Variants in PXK observed in about 807,000 individuals in gnomAD.
The protein encoded by PXK is PX domain containing serine/threonine kinase like.
PXK carries 35 observed loss-of-function variants against 84.7 expected under a neutral mutation model. That is an observed-to-expected ratio of 0.41 (90% CI 0.32 to 0.55). The LOEUF (loss-of-function observed/expected upper bound fraction) is 0.55. Among genes scored for constraint, PXK ranks in the 20% least tolerant of loss-of-function variants. The probability of loss-of-function intolerance (pLI) is 0.21; values close to 1 mark genes in which losing one functional copy is unlikely to be tolerated. For synonymous variants in PXK, 253 were observed against 260.8 expected (o/e 0.97, Z 0.29); for missense variants, 634 against 699.7 (o/e 0.91, Z 1.06).
chr3:58,387,813 G>C (rs988359056), intron 4 of PXK, among the ~76,000 whole-genome samples: 1 of 152,110 alleles, frequency 6.6e-6, no homozygotes, highest in African/African-American at 2.4e-5. Context: ...GAAGGAGAGA[G>C]GGAGAGAGTC....
chr3:58,421,677 C>A lies in PXK; in HGVS notation c.1529-3075C>A. On this transcript the variant is annotated intron_variant, in intron 17 of 17. Transcript: ENST00000356151. The surrounding 1 kb of genome is among the most constrained non-coding windows in gnomAD (Gnocchi z 5.5). ...GGCATTCCTCCCTAGATCTGACCTACGCTCTCCCTGCAGCATTCTCTGCCC... is the reference window on the plus strand; with the variant it reads ...GGCATTCCTCCCTAGATCTGACCTAAGCTCTCCCTGCAGCATTCTCTGCCC... 2 of 988,282 alleles carry A rather than the reference C, an allele frequency of 2.0e-6. 1 individual carries two copies. The highest frequency in any genetic ancestry group is 5.6e-4 in the Middle Eastern group (2 of 3,548). 61.2% of individuals were successfully genotyped at this position (988,282 alleles called of 1,614,324 possible). A position where few individuals can be genotyped will look rare whatever the true frequency, so the allele number is the denominator to read the frequency against.
chr3:58,422,716 G>T (rs549188817), intron 17 of PXK: 7 of 985,330 alleles, frequency 7.1e-6, no homozygotes, highest in Non-Finnish European at 8.4e-6. Flanking sequence ...GTTTTGTTCT[G>T]TGCCAAGATG....
At position 58,423,252 on chromosome 3, in the gene PXK, T is replaced by A. The variant is rs115788351; in HGVS notation, c.1529-1500T>A. 1.1e-3 allele frequency: 1,042 copies of A among 975,438 alleles called. 5 individuals carry two copies. In the African/African-American group the frequency reaches 0.017, roughly 16 times the overall value. 60.4% of individuals were successfully genotyped at this position (975,438 alleles called of 1,614,324 possible). On this transcript the variant is annotated intron_variant, in intron 17 of 17. Coordinates refer to ENST00000356151, the MANE Select transcript of PXK (RefSeq NM_017771.5). ...TCAGGTTTAAAGTCCTTTTTATCTC[T>A]GTAACCTGGTGACATAAAGCCAGGA...
At chr3:58,351,886 C>T (rs986429913) in intron 1 of PXK, among the ~76,000 whole-genome samples, 2 of 152,200 alleles carry the variant, frequency 1.3e-5, no homozygotes, top group African/African-American at 4.8e-5. Flanking sequence ...GTGATATACT[C>T]ACCTGCAGAC....
At chr3:58,402,040 T>A (rs1184983420) in intron 12 of PXK, among the ~76,000 whole-genome samples, 1 of 151,776 alleles carries the variant, frequency 6.6e-6, no homozygotes, top group Non-Finnish European at 1.5e-5. Context: ...CTGGACAACA[T>A]AACAAGACTC....
At chr3:58,358,567 C>T (rs2098129187) in intron 1 of PXK, among the ~76,000 whole-genome samples, 1 of 152,200 alleles carries the variant, frequency 6.6e-6, no homozygotes, top group Non-Finnish European at 1.5e-5. Context: ...ACCTCTTCTA[C>T]TCACCTGATC....
At chr3:58,420,085 G>GA (rs2061590089) in intron 17 of PXK, among the ~76,000 whole-genome samples, 1 of 152,078 alleles carries the variant, frequency 6.6e-6, no homozygotes, top group Admixed American at 6.5e-5. Flanking sequence ...GACTTGCTTG[G>GA]AAAAAAGTTA....
rs775887379 is a variant in PXK at position 58,412,879 on chromosome 3, G to A, written c.1466-22G>A. Reference sequence around the variant, plus strand: ...ATGTCTTTCGTTGGTCCCCATGAGGGTTTCTCTGTGTTTTATCTTAGCAGG... The same window carrying A: ...ATGTCTTTCGTTGGTCCCCATGAGGATTTCTCTGTGTTTTATCTTAGCAGG... On this transcript the variant is annotated intron_variant, in intron 16 of 17. Coordinates refer to ENST00000356151, the MANE Select transcript of PXK (RefSeq NM_017771.5). The surrounding 1 kb of genome is among the most constrained non-coding windows in gnomAD (Gnocchi z 6.2). 1 of 1,613,822 alleles carries A rather than the reference G, an allele frequency of 6.2e-7. No homozygotes were observed. Among genetic ancestry groups the A allele is most frequent in the Non-Finnish European group, 8.5e-7 (1 of 1,179,778 alleles).
chr3:58,378,504 T>TGTGTGTGTGTGTGTGTGTG (rs1168148178), intron 3 of PXK, among the ~76,000 whole-genome samples: 1 of 72,728 alleles, frequency 1.4e-5, no homozygotes, highest in African/African-American at 5.0e-5. Flanking sequence ...TTTTTTTTTT[T>TGTGTGTGTGTGTGTGTGTG]TTTTTTTTTG....
intron 1 of PXK, among the ~76,000 whole-genome samples, chr3:58,352,396 C>T (rs936621838): frequency 6.6e-6 from 1 of 152,184 alleles, no homozygotes; most frequent in South Asian, 2.1e-4. Context: ...TCCAGCGGAT[C>T]CGAGTTTCTA....
In PXK at chr3:58,382,621, C is replaced by T. The variant is rs1293866044; in HGVS notation, c.309C>T (p.Ile103=). ...QKGLQNYLNV[I]TTNHILSNCE... is the part of the protein sequence containing the mutation. ...GTCTTCAGAACTATCTCAACGTGAT[C>T]ACAACAAATCATATCTTGTCTAATT... The change falls in exon 4 of 18, where the codon ATC becomes ATT. Residue 103 remains isoleucine, a synonymous_variant. Transcript: ENST00000356151. The T allele has an allele frequency of 1.2e-6, 2 of 1,602,922 alleles. No individual in the cohort carries two copies. Among genetic ancestry groups the T allele is most frequent in the Non-Finnish European group, 1.7e-6 (2 of 1,176,688 alleles).
intron 13 of PXK, among the ~76,000 whole-genome samples, chr3:58,406,154 AT>A (rs1372019358): frequency 6.6e-6 from 1 of 151,940 alleles, no homozygotes; most frequent in East Asian, 1.9e-4. Flanking sequence ...TTTAGTAGAG[AT>A]GGGGTTTCAT....
In PXK at chr3:58,344,827, T is replaced by TCAAAA. The variant is rs577904425; in HGVS notation, c.102+11758_102+11762dup. Among the ~76,000 whole-genome samples the TCAAAA allele has an allele frequency of 2.4e-3, 359 of 152,124 alleles. 4 individuals carry two copies. In the Middle Eastern group the frequency reaches 0.044, roughly 19 times the overall value. The stretch of plus-strand genomic sequence containing the variant: ...TGGGCAACAAGAGTGAAACTCCATC[T>TCAAAA]CAAAACAAAACAAAACAAAACAAAA... On this transcript the variant is annotated intron_variant, in intron 1 of 17. Transcript: ENST00000356151.
At position 58,422,406 on chromosome 3, in the gene PXK, T is replaced by C. The variant is rs573503431; in HGVS notation, c.1529-2346T>C. Reference sequence around the variant, plus strand: ...GCTGGGACATCAAGCCCCACCGGACTGCTCCAGCCTGCTGAGGCCACATCA... The same window carrying C: ...GCTGGGACATCAAGCCCCACCGGACCGCTCCAGCCTGCTGAGGCCACATCA... On this transcript the variant is annotated intron_variant, in intron 17 of 17. Coordinates refer to ENST00000356151, the MANE Select transcript of PXK (RefSeq NM_017771.5). 3.0e-6 allele frequency: 3 copies of C among 985,430 alleles called. No individual in the cohort carries two copies. The African/African-American group carries it at 5.2e-5, about 17-fold the overall frequency. 61.0% of individuals were successfully genotyped at this position (985,430 alleles called of 1,614,324 possible). A position where few individuals can be genotyped will look rare whatever the true frequency, so the allele number is the denominator to read the frequency against.
intron 12 of PXK, among the ~76,000 whole-genome samples, chr3:58,403,571 G>T (rs529489636): frequency 6.6e-6 from 1 of 152,056 alleles, no homozygotes; most frequent in Non-Finnish European, 1.5e-5. Context: ...ATTAGCATTC[G>T]CAAAAGTAAT....
In PXK at chr3:58,399,506, G is replaced by C; in HGVS notation, c.1181+129G>C. On this transcript the variant is annotated intron_variant, in intron 12 of 17. Transcript: ENST00000356151. The surrounding 1 kb of genome is among the most constrained non-coding windows in gnomAD (Gnocchi z 4.3). The stretch of plus-strand genomic sequence containing the variant: ...GCAGAGTTGGCGTGGCCTGCTTGCT[G>C]ATGGGCACTTGCAGCATGATATCCT... 2 of 853,014 alleles carry C rather than the reference G, an allele frequency of 2.3e-6. No homozygotes were observed. The highest frequency in any genetic ancestry group is 3.8e-6 in the Non-Finnish European group (2 of 522,858). The allele number at this position is 853,014 out of a possible 1,614,324, so 52.8% of individuals were successfully genotyped here.
At position 58,413,070 on chromosome 3, in the gene PXK, C is replaced by A. The variant is rs1048775327; in HGVS notation, c.1528+107C>A. On this transcript the variant is annotated intron_variant, in intron 17 of 17. Transcript: ENST00000356151. The stretch of plus-strand genomic sequence containing the variant: ...AACAATTTCAGGGGTTAGATAGCAG[C>A]AGCTTTCTCAAGAGAAATCAGTGGG... 1.3e-4 allele frequency: 160 copies of A among 1,227,486 alleles called. No individual in the cohort carries two copies. The Middle Eastern group carries it at 1.9e-3, about 14-fold the overall frequency. The allele number at this position is 1,227,486 out of a possible 1,614,324, so 76.0% of individuals were successfully genotyped here.
At chr3:58,387,528 G>A (rs893740760) in intron 4 of PXK, among the ~76,000 whole-genome samples, 3 of 152,148 alleles carry the variant, frequency 2.0e-5, no homozygotes, top group African/African-American at 7.2e-5. Flanking sequence ...GGAAGGAGGC[G>A]GGGGCATGGA....
At chr3:58,361,573 G>C (rs1248017447) in intron 1 of PXK, among the ~76,000 whole-genome samples, 1 of 152,108 alleles carries the variant, frequency 6.6e-6, no homozygotes, top group Non-Finnish European at 1.5e-5. Flanking sequence ...GTCACTTCAA[G>C]AATGTTATAT....
Sources: allele counts gnomAD v4.1 joint callset (sites outside exome capture counted in the v4.1 genomes callset), GRCh38; gene constraint gnomAD v4.1.1; non-coding constraint Gnocchi (gnomAD v3.1); transcripts MANE v1.5; gene names NCBI Gene and HGNC (gene_info 2026-07-23, HGNC 2026-07-21).